Variants in TAB3 observed in about 807,000 individuals in gnomAD.
TAB3 encodes TGF-beta-activated kinase 1 and MAP3K7-binding protein 3.
TAB3 carries 18 observed loss-of-function variants against 48.1 expected under a neutral mutation model. The observed-to-expected ratio is 0.37, with a 90% confidence interval of 0.26 to 0.55. The LOEUF is 0.55. Among genes scored for constraint, TAB3 ranks in the 20% least tolerant of loss-of-function variants. TAB3 has a pLI of 0.78. For synonymous variants in TAB3, 185 were observed against 190.2 expected (o/e 0.97, Z 0.22); for missense variants, 414 against 549.8 (o/e 0.75, Z 2.47).
At chrX:30,858,945 G>A (rs1279893193) in intron 5 of TAB3, among the ~76,000 whole-genome samples, 1 of 110,754 alleles carries the variant, frequency 9.0e-6, no homozygotes, top group Non-Finnish European at 1.9e-5. Flanking sequence ...AACAGGGAGT[G>A]GATTATCTAA....
chrX:30,833,161 A>G (rs767119490), intron 10 of TAB3, among the ~76,000 whole-genome samples: 50 of 107,564 alleles, frequency 4.6e-4, no homozygotes, highest in East Asian at 3.6e-3. Context: ...TAGTAGAGAC[A>G]GGGTTTCACC....
In TAB3 at chrX:30,854,104, G is replaced by A; in HGVS notation, c.1549+12C>T. The A allele has an allele frequency of 8.6e-7, 1 of 1,169,119 alleles. No individual in the cohort carries two copies. The highest frequency in any genetic ancestry group is 2.0e-5 in the South Asian group (1 of 50,718). ...CACAGAAATTAAATTTCATAAAAGG[G>A]TTAAAATTTACCTTGTGTGTAGGCA... On this transcript the variant is annotated intron_variant, in intron 6 of 10. Transcript: ENST00000288422.
chrX:30,870,665 A>T (rs1178512856), intron 2 of TAB3, among the ~76,000 whole-genome samples: 2 of 112,724 alleles, frequency 1.8e-5, no homozygotes, highest in African/African-American at 6.5e-5. Context: ...ACTCCACATC[A>T]TCTAACCCAG....
In TAB3 at chrX:30,866,870, T is replaced by TAAAA. The variant is rs77868699; in HGVS notation, c.-91+241_-91+244dup. Among the ~76,000 whole-genome samples the TAAAA allele has an allele frequency of 4.4e-4, 33 of 74,702 alleles. No individual in the cohort carries two copies. The South Asian group carries it at 6.5e-3, about 15-fold the overall frequency. 64.9% of individuals were successfully genotyped at this position (74,702 alleles called of 115,157 possible). On this transcript the variant is annotated intron_variant, in intron 4 of 10. Transcript: ENST00000288422. ...GAGCACAATACAGGAAAGGGGTGTT[T>TAAAA]AAAAAAAAAAAAAAAAAAAAAGATT...
At chrX:30,877,762 C>A (rs1301352216) in intron 1 of TAB3, among the ~76,000 whole-genome samples, 1 of 111,335 alleles carries the variant, frequency 9.0e-6, no homozygotes, top group Admixed American at 9.5e-5. Context: ...CTGTACTTAA[C>A]CCCAAAATGT....
rs1937994591 is a variant in TAB3 at position 30,830,550 on chromosome X, A to G, written c.*877T>C. 8.9e-6 allele frequency: 1 copy of G among 112,698 alleles called. No individual in the cohort carries two copies. Among genetic ancestry groups the G allele is most frequent in the Non-Finnish European group, 1.9e-5 (1 of 53,308 alleles). The allele number at this position is 112,698 out of a possible 1,213,427, so 9.3% of individuals were successfully genotyped here. ...TGGAATGGACTTGCATTTGGCATACATTCACTGTGCTACTGGCAAAGCGCA... is the reference window on the plus strand; with the variant it reads ...TGGAATGGACTTGCATTTGGCATACGTTCACTGTGCTACTGGCAAAGCGCA... On this transcript the variant is annotated 3_prime_UTR_variant, in exon 11 of 11. Coordinates refer to ENST00000288422, the MANE Select transcript of TAB3 (RefSeq NM_152787.5).
At chrX:30,860,001 C>T (rs1939207196) in intron 4 of TAB3, among the ~76,000 whole-genome samples, 1 of 111,284 alleles carries the variant, frequency 9.0e-6, no homozygotes, top group Non-Finnish European at 1.9e-5. Context: ...TGAGGAAGTA[C>T]TCAAGAAGTG....
intron 6 of TAB3, among the ~76,000 whole-genome samples, chrX:30,853,298 ACT>A (rs895857060): frequency 1.2e-4 from 14 of 112,251 alleles, no homozygotes; most frequent in African/African-American, 4.5e-4. Flanking sequence ...CTTTTTAAAA[ACT>A]CTGTATCTAA....
chrX:30,853,769 G>C (rs1394465307), intron 6 of TAB3, among the ~76,000 whole-genome samples: 1 of 112,407 alleles, frequency 8.9e-6, no homozygotes, highest in Non-Finnish European at 1.9e-5. Context: ...CTGCCTCCTG[G>C]ATTCAAGCTA....
chrX:30,837,986 T>TG (rs966681626), intron 9 of TAB3, among the ~76,000 whole-genome samples: 1 of 112,495 alleles, frequency 8.9e-6, no homozygotes, highest in African/African-American at 3.2e-5. Flanking sequence ...ACAGTGTGAC[T>TG]GGGGGGTATA....
chrX:30,873,539 A>T (rs2147398614), intron 1 of TAB3, among the ~76,000 whole-genome samples: 1 of 108,710 alleles, frequency 9.2e-6, no homozygotes. Context: ...AAAAAAAAAA[A>T]AAAAGTTACA....
chrX:30,864,938 C>G (rs927439766), intron 4 of TAB3, among the ~76,000 whole-genome samples: 7 of 111,701 alleles, frequency 6.3e-5, no homozygotes, highest in African/African-American at 2.0e-4. Flanking sequence ...GCACCACTCC[C>G]CTTTTAGGAA....
At chrX:30,870,042 T>C (rs1939620296) in intron 2 of TAB3, among the ~76,000 whole-genome samples, 1 of 112,043 alleles carries the variant, frequency 8.9e-6, no homozygotes, top group African/African-American at 3.2e-5. Context: ...CAAGGAAAAA[T>C]ATTACTACTT....
intron 10 of TAB3, among the ~76,000 whole-genome samples, chrX:30,832,499 A>G: frequency 8.9e-6 from 1 of 112,156 alleles, no homozygotes; most frequent in East Asian, 2.8e-4. Flanking sequence ...GGTAAGCAAC[A>G]CCTTTTTAAA....
At chrX:30,867,730 G>A (rs770364402) in intron 2 of TAB3, among the ~76,000 whole-genome samples, 181 bp from the exon 3 acceptor site, 3 of 110,741 alleles carry the variant, frequency 2.7e-5, no homozygotes, top group Non-Finnish European at 5.7e-5. Flanking sequence ...TTTTCTTTTA[G>A]GTCAGAAATA....
chrX:30,863,725 T>A (rs867324486), intron 4 of TAB3, among the ~76,000 whole-genome samples: 1 of 112,512 alleles, frequency 8.9e-6, no homozygotes, highest in Non-Finnish European at 1.9e-5. Context: ...TGTAGAATCC[T>A]GAGCCAATTA....
At chrX:30,857,350 G>A (rs1410878259) in intron 5 of TAB3, among the ~76,000 whole-genome samples, 1 of 111,290 alleles carries the variant, frequency 9.0e-6, no homozygotes. Context: ...CAAATTTGGA[G>A]CCAAAGGATT....
chrX:30,888,352 T>C (rs1375584842), intron 1 of TAB3, among the ~76,000 whole-genome samples: 1 of 112,696 alleles, frequency 8.9e-6, no homozygotes, highest in Non-Finnish European at 1.9e-5. Flanking sequence ...TGGCAAGTTT[T>C]CTTAAATAAT....
intron 8 of TAB3, chrX:30,843,953 A>G (rs1938538896): frequency 9.0e-6 from 1 of 111,091 alleles, no homozygotes; most frequent in Non-Finnish European, 1.9e-5. Flanking sequence ...TAGTTTAAAT[A>G]TATTAAATCT....
Sources: allele counts gnomAD v4.1 joint callset (sites outside exome capture counted in the v4.1 genomes callset), GRCh38; gene constraint gnomAD v4.1.1; transcripts MANE v1.5; gene names NCBI Gene and HGNC (gene_info 2026-07-23, HGNC 2026-07-21).